Variants in RBFOX1 observed in about 807,000 individuals in gnomAD.
RBFOX1 encodes the protein RNA binding fox-1 homolog 1.
In RBFOX1, 8 loss-of-function variants were observed where a neutral mutation model predicts 57.7. That is an observed-to-expected ratio of 0.14 (90% CI 0.08 to 0.25). The LOEUF is 0.25. RBFOX1 is among the 10% of genes least tolerant of loss of function. The pLI, the probability that RBFOX1 is intolerant of heterozygous loss-of-function variation, is 1.00. For synonymous variants in RBFOX1, 326 were observed against 222.4 expected (o/e 1.47, Z -4.15); for missense variants, 611 against 548.5 (o/e 1.11, Z -1.14).
At chr16:7,062,970 G>C (rs1394671052) in intron 4 of RBFOX1, among the ~76,000 whole-genome samples, 6 of 116,264 alleles carry the variant, frequency 5.2e-5, no homozygotes. Flanking sequence ...TGTGATCGAA[G>C]AATCCCTACT....
intron 2 of RBFOX1, among the ~76,000 whole-genome samples, chr16:6,517,483 C>A (rs2096403439): frequency 6.6e-6 from 1 of 152,156 alleles, no homozygotes; most frequent in South Asian, 2.1e-4. Context: ...CCAGTGTCTC[C>A]TGTCTCCCAG....
chr16:7,198,253 C>T (rs1482535807), intron 4 of RBFOX1, among the ~76,000 whole-genome samples: 1 of 152,038 alleles, frequency 6.6e-6, no homozygotes, highest in Non-Finnish European at 1.5e-5. Context: ...GATCTGCCTG[C>T]CTTGGACTCC....
intron 2 of RBFOX1, among the ~76,000 whole-genome samples, chr16:6,430,487 A>C (rs1038753723): frequency 6.6e-6 from 1 of 152,198 alleles, no homozygotes; most frequent in Non-Finnish European, 1.5e-5. Context: ...TTTCTAGGCA[A>C]ACTCAAGTGG....
intron 2 of RBFOX1, among the ~76,000 whole-genome samples, chr16:5,515,656 A>T (rs1005514186): frequency 6.6e-6 from 1 of 152,172 alleles, no homozygotes; most frequent in African/African-American, 2.4e-5. Context: ...TATAAATTAG[A>T]TTAATCTAAG....
chr16:7,212,269 A>G (rs2152795240), intron 4 of RBFOX1, among the ~76,000 whole-genome samples: 1 of 152,326 alleles, frequency 6.6e-6, no homozygotes, highest in East Asian at 1.9e-4. Flanking sequence ...CCATCACAGC[A>G]GCTGCCTTTG....
chr16:6,479,234 C>A lies in RBFOX1; in HGVS notation c.-64+162177C>A, dbSNP rs141413990. Among the ~76,000 whole-genome samples the A allele has an allele frequency of 1.1e-4, 17 of 152,204 alleles. No individual in the cohort carries two copies. In the East Asian group the frequency reaches 1.7e-3, roughly 16 times the overall value. ...TTTAATTGACTCACAGTTCTGGAGG[C>A]CTCAGGAAACTTTCAATTATGGCGG... is the stretch of plus-strand genomic sequence containing the variant. On this transcript the variant is annotated intron_variant, in intron 2 of 15. Coordinates refer to ENST00000550418, the MANE Select transcript of RBFOX1 (RefSeq NM_018723.4).
chr16:5,907,752 ATCATCATCATCATTT>A (rs1294881689), intron 4 of RBFOX1, among the ~76,000 whole-genome samples: 7 of 149,788 alleles, frequency 4.7e-5, no homozygotes, highest in African/African-American at 1.8e-4. Flanking sequence ...CATCATCATC[ATCATCATCATCATTT>A]GAGATGGCAT....
chr16:7,219,670 C>T lies in RBFOX1; in HGVS notation c.27+167572C>T, dbSNP rs138134859. The stretch of plus-strand genomic sequence containing the variant: ...CAAACTCGGAGTAAAACTGGCTCCT[C>T]TGCCGTATAGATCCCTGCTCTGAGT... On this transcript the variant is annotated intron_variant, in intron 4 of 15. Coordinates refer to ENST00000550418, the MANE Select transcript of RBFOX1 (RefSeq NM_018723.4). Among the ~76,000 whole-genome samples, 1,228 of 152,276 alleles carry T rather than the reference C, an allele frequency of 8.1e-3. 19 individuals carry two copies. Among genetic ancestry groups the T allele is most frequent in the African/African-American group, 0.024 (1,016 of 41,554 alleles).
intron 4 of RBFOX1, among the ~76,000 whole-genome samples, chr16:7,318,468 A>G (rs979319061): frequency 3.9e-5 from 6 of 152,190 alleles, no homozygotes; most frequent in African/African-American, 1.4e-4. Context: ...GTTCAAGTCT[A>G]CCACTTACCA....
intron 3 of RBFOX1, among the ~76,000 whole-genome samples, chr16:5,770,838 G>C (rs972554896): frequency 6.6e-6 from 1 of 152,206 alleles, no homozygotes; most frequent in African/African-American, 2.4e-5. Context: ...GCCCATGACA[G>C]ACATCACTAG....
At position 6,188,568 on chromosome 16, in the gene RBFOX1, T is replaced by C. The variant is rs74006922; in HGVS notation, c.-126-128427T>C. Among the ~76,000 whole-genome samples the C allele has an allele frequency of 1.5e-3, 234 of 152,240 alleles. 1 individual carries two copies. The highest frequency in any genetic ancestry group is 5.2e-3 in the African/African-American group (216 of 41,558). On this transcript the variant is annotated intron_variant, in intron 1 of 15. Coordinates refer to ENST00000550418, the MANE Select transcript of RBFOX1 (RefSeq NM_018723.4). ...AGCTATGAGGAAAACAAAATAACAA[T>C]CAATATATTTTGTTTCTGCTTACAT...
At chr16:5,618,829 G>A (rs570637925) in intron 3 of RBFOX1, among the ~76,000 whole-genome samples, 2 of 152,320 alleles carry the variant, frequency 1.3e-5, no homozygotes, top group East Asian at 3.9e-4. Context: ...AACCTTCAAT[G>A]TGGATTTTGC....
chr16:6,785,050 A>G (rs2081698285), intron 3 of RBFOX1, among the ~76,000 whole-genome samples: 1 of 152,198 alleles, frequency 6.6e-6, no homozygotes. Flanking sequence ...GGCATTTAAC[A>G]TAAAAGAGAT....
chr16:7,618,642 C>T lies in RBFOX1; in HGVS notation c.676+11304C>T, dbSNP rs181872087. 6.8e-4 allele frequency among the ~76,000 whole-genome samples: 103 copies of T among 151,790 alleles called. 1 individual carries two copies. Among genetic ancestry groups the T allele is most frequent in the Admixed American group, 5.4e-3 (82 of 15,266 alleles). On this transcript the variant is annotated intron_variant, in intron 10 of 15. Coordinates refer to ENST00000550418, the MANE Select transcript of RBFOX1 (RefSeq NM_018723.4). ...TTTTCAAAATTTATTGTTCTTATTT[C>T]CCCAACAAATTAAGTTGGTGTATAA...
At chr16:7,380,419 G>T (rs1282812858) in intron 4 of RBFOX1, among the ~76,000 whole-genome samples, 1 of 152,050 alleles carries the variant, frequency 6.6e-6, no homozygotes, top group African/African-American at 2.4e-5. Flanking sequence ...TTATGTCTAT[G>T]ACTCTGTTAC....
intron 1 of RBFOX1, among the ~76,000 whole-genome samples, chr16:5,452,260 A>G (rs2068450639): frequency 6.6e-6 from 1 of 151,664 alleles, no homozygotes; most frequent in Non-Finnish European, 1.5e-5. Flanking sequence ...CTGGGATTAC[A>G]GGCATGCACC....
At chr16:6,227,367 G>C (rs1419965052) in intron 1 of RBFOX1, among the ~76,000 whole-genome samples, 2 of 152,166 alleles carry the variant, frequency 1.3e-5, no homozygotes, top group East Asian at 3.9e-4. Flanking sequence ...TTTTCAGAAA[G>C]AGTGTTTTCT....
chr16:7,171,024 C>T (rs891578471), intron 4 of RBFOX1, among the ~76,000 whole-genome samples: 22 of 152,230 alleles, frequency 1.4e-4, no homozygotes, highest in Non-Finnish European at 2.6e-4. Context: ...CTCTGCCTCT[C>T]ACCTGCGATG....
intron 5 of RBFOX1, among the ~76,000 whole-genome samples, chr16:7,531,143 A>G (rs777383691): frequency 6.6e-6 from 1 of 152,212 alleles, no homozygotes; most frequent in Non-Finnish European, 1.5e-5. Flanking sequence ...TAAAAATAAA[A>G]AAAAATATGT....
Sources: allele counts gnomAD v4.1 joint callset (sites outside exome capture counted in the v4.1 genomes callset), GRCh38; gene constraint gnomAD v4.1.1; transcripts MANE v1.5; gene names NCBI Gene and HGNC (gene_info 2026-07-23, HGNC 2026-07-21).